Variants in SORBS2 observed in about 807,000 individuals in gnomAD.
The protein encoded by SORBS2 is sorbin and SH3 domain containing 2, also known as sorbin and SH3 domain-containing protein 2.
Under a neutral mutation model 97.7 loss-of-function variants are expected in SORBS2, and 46 were observed. The observed-to-expected ratio is 0.47, with a 90% CI of 0.37 to 0.60. The LOEUF (loss-of-function observed/expected upper bound fraction) is 0.60. Among genes scored for constraint, SORBS2 ranks in the 20% least tolerant of loss-of-function variants. SORBS2 has a pLI of 0.00. For synonymous variants in SORBS2, 476 were observed against 473.4 expected (o/e 1.01, Z -0.07); for missense variants, 1,316 against 1,282.3 (o/e 1.03, Z -0.40).
Position 185,587,916 on chromosome 4 carries a change from C to A in SORBS2, c.2954-228G>T, listed in dbSNP as rs914533315. ...CGGCATAAATGCTGCGCTGCCATCG[C>A]GGCAGGCTAAACAGAAATGCTGAGC... On this transcript the variant is annotated intron_variant, in intron 14 of 14. Transcript: ENST00000418609. The A allele has an allele frequency of 1.7e-4, 80 of 476,456 alleles. No individual in the cohort carries two copies. The South Asian group carries it at 1.9e-3, about 11-fold the overall frequency. 29.5% of individuals were successfully genotyped at this position (476,456 alleles called of 1,614,324 possible). A position where few individuals can be genotyped will look rare whatever the true frequency, so the allele number is the denominator to read the frequency against.
At chr4:185,774,620 A>C (rs1353081790) in intron 2 of SORBS2, 1 of 152,178 alleles carries the variant, frequency 6.6e-6, no homozygotes, top group Admixed American at 6.5e-5. Context: ...TGTACCCAGC[A>C]AAAGACAGTC....
At chr4:185,626,929 G>A in exon 6 of SORBS2, 4 of 1,614,204 alleles carry the variant, frequency 2.5e-6, no homozygotes, top group Middle Eastern at 1.6e-4. Context: ...GGCTAGTCCT[G>A]CTCGCACTTT....
At chr4:185,883,365 A>G (rs2099237798) in intron 1 of SORBS2, among the ~76,000 whole-genome samples, 1 of 152,238 alleles carries the variant, frequency 6.6e-6, no homozygotes, top group Non-Finnish European at 1.5e-5. Flanking sequence ...CATTATTTTA[A>G]AACCTGACAG....
intron 2 of SORBS2, 120 bp from the exon 11 acceptor site, chr4:185,651,948 A>C (rs2097322354): frequency 3.0e-6 from 2 of 661,544 alleles, no homozygotes; most frequent in Non-Finnish European, 5.4e-6. Context: ...TTCCTAGTTC[A>C]TAATGCCATT....
intron 4 of SORBS2, 47 bp from the exon 8 acceptor site, chr4:185,662,289 T>A: frequency 1.3e-6 from 2 of 1,543,266 alleles, no homozygotes; most frequent in Non-Finnish European, 1.8e-6. Context: ...CATAGTTCCC[T>A]GTAAACATCA....
At chr4:185,827,992 CA>C (rs1407581917) in intron 1 of SORBS2, among the ~76,000 whole-genome samples, 1 of 41,224 alleles carries the variant, frequency 2.4e-5, no homozygotes, top group African/African-American at 7.4e-5. Context: ...TCATCATCAT[CA>C]TCACCATCAT....
intron 1 of SORBS2, among the ~76,000 whole-genome samples, chr4:185,864,128 T>C (rs888630587): frequency 2.6e-5 from 4 of 152,210 alleles, no homozygotes; most frequent in Non-Finnish European, 4.4e-5. Flanking sequence ...ATAAAAAGTG[T>C]GCCATTATTA....
intron 1 of SORBS2, among the ~76,000 whole-genome samples, chr4:185,914,929 G>A (rs2099257260): frequency 6.6e-6 from 1 of 152,224 alleles, no homozygotes; most frequent in African/African-American, 2.4e-5. Flanking sequence ...CTGCTGGTGG[G>A]AGAAAGCCTG....
chr4:185,945,296 T>C (rs2099274013), intron 1 of SORBS2, among the ~76,000 whole-genome samples: 1 of 152,232 alleles, frequency 6.6e-6, no homozygotes, highest in African/African-American at 2.4e-5. Flanking sequence ...CCTGAGAGAA[T>C]AATGTTGAAT....
intron 2 of SORBS2, among the ~76,000 whole-genome samples, chr4:185,722,524 GGCTTT>G (rs1257158069): frequency 6.6e-6 from 1 of 152,148 alleles, no homozygotes; most frequent in African/African-American, 2.4e-5. Flanking sequence ...TATCACTTCA[GGCTTT>G]GCAGAATGGT....
At chr4:185,745,044 C>T (rs949963028) in intron 2 of SORBS2, among the ~76,000 whole-genome samples, 2 of 152,176 alleles carry the variant, frequency 1.3e-5, no homozygotes, top group East Asian at 1.9e-4. Flanking sequence ...CACTTGTGGG[C>T]CGGCTCAGGG....
At chr4:185,783,412 T>A (rs1271826744) in intron 1 of SORBS2, among the ~76,000 whole-genome samples, 2 of 152,212 alleles carry the variant, frequency 1.3e-5, no homozygotes, top group Non-Finnish European at 2.9e-5. Flanking sequence ...AAGTGAGGCC[T>A]TGGGAAGCTA....
chr4:185,747,747 C>T lies in SORBS2; in HGVS notation c.-198+27480G>A, dbSNP rs183288222. Among the ~76,000 whole-genome samples, 3 of 152,310 alleles carry T rather than the reference C, an allele frequency of 2.0e-5. No homozygotes were observed. In the East Asian group the frequency reaches 5.8e-4, roughly 29 times the overall value. On this transcript the variant is annotated intron_variant, in intron 2 of 20. Coordinates refer to the SORBS2 transcript ENST00000284776. ...GGGCGCGGTGGCTCACACCTGTAATCCCAGCACTTTGGGAGGTCGAAGTGG... is the reference window on the plus strand; with the variant it reads ...GGGCGCGGTGGCTCACACCTGTAATTCCAGCACTTTGGGAGGTCGAAGTGG...
intron 4 of SORBS2, chr4:185,677,725 C>T (rs2097811844): frequency 8.9e-7 from 1 of 1,123,606 alleles, no homozygotes; most frequent in Non-Finnish European, 1.2e-6. Flanking sequence ...AAACCAGTGT[C>T]AACCTTGCCT....
At chr4:185,793,452 T>C (rs1185480919) in intron 1 of SORBS2, among the ~76,000 whole-genome samples, 1 of 152,210 alleles carries the variant, frequency 6.6e-6, no homozygotes, top group Non-Finnish European at 1.5e-5. Context: ...GATACAAGAG[T>C]GTGTTTGTTA....
rs57754459 is a variant in SORBS2 at position 185,636,584 on chromosome 4, T to A, written c.397-5986A>T. ...ACGTGTGTAACTGACACACATCAAA[T>A]GCACTGCTGTTGGTGGATACAGTTC... is the stretch of plus-strand genomic sequence containing the variant. On this transcript the variant is annotated intron_variant, in intron 4 of 14. Transcript: ENST00000418609. Among the ~76,000 whole-genome samples the A allele has an allele frequency of 5.0e-3, 763 of 152,136 alleles. 4 individuals carry two copies. Among genetic ancestry groups the A allele is most frequent in the African/African-American group, 0.018 (737 of 41,510 alleles).
intron 2 of SORBS2, among the ~76,000 whole-genome samples, chr4:185,731,402 C>A (rs954688691): frequency 3.9e-5 from 6 of 152,074 alleles, no homozygotes; most frequent in Non-Finnish European, 5.9e-5. Flanking sequence ...CAGTGAGATT[C>A]TCTGATGCAA....
rs576037187 is a variant in SORBS2, at chr4:185,677,379, G to A, written c.-46+1044C>T. 1.4e-4 allele frequency: 217 copies of A among 1,552,342 alleles called. 1 individual carries two copies. The South Asian group carries it at 1.9e-3, about 13-fold the overall frequency. On this transcript the variant is annotated intron_variant, in intron 4 of 20. Coordinates refer to the SORBS2 transcript ENST00000284776. ...GATGTTAGCGAATGGTGCAGGATCC[G>A]TGCTGGAAGCTGCTGGTAGTGGATT...
At chr4:185,797,935 C>T (rs2099113210) in intron 1 of SORBS2, among the ~76,000 whole-genome samples, 1 of 152,224 alleles carries the variant, frequency 6.6e-6, no homozygotes, top group Non-Finnish European at 1.5e-5. Context: ...GGGTCAGTCA[C>T]ACTCTACTCT....
Sources: gnomAD v4.1 joint callset for allele counts (sites outside exome capture counted in the v4.1 genomes callset) on GRCh38, gnomAD v4.1.1 for gene constraint, MANE v1.5 for transcripts, NCBI Gene and HGNC (gene_info 2026-07-23, HGNC 2026-07-21) for gene names.